The following UNC13C variants were observed in gnomAD, a reference collection of about 807,000 sequenced individuals.
UNC13C encodes protein unc-13 homolog C.
A neutral mutation model predicts 245.4 loss-of-function variants in UNC13C; 174 were observed. The ratio of observed to expected loss-of-function variants is 0.71; its 90% CI spans 0.63 to 0.80. UNC13C has a LOEUF of 0.80. UNC13C is among the 30% of genes least tolerant of loss of function. UNC13C has a pLI of 0.00. For synonymous variants in UNC13C, 992 were observed against 895.1 expected, an observed-to-expected ratio of 1.11 and a Z score of -1.93; for missense variants, 2,829 against 2,602.9, an observed-to-expected ratio of 1.09 and a Z score of -1.89.
intron 17 of UNC13C, among the ~76,000 whole-genome samples, chr15:54,351,443 A>T (rs2038980486): frequency 6.6e-6 from 1 of 152,160 alleles, no homozygotes; most frequent in South Asian, 2.1e-4. Context: ...GTATGTAAAA[A>T]ATCTGTTTAA....
At chr15:54,027,597 C>T (rs1896169425) in intron 2 of UNC13C, among the ~76,000 whole-genome samples, 1 of 152,114 alleles carries the variant, frequency 6.6e-6, no homozygotes, top group African/African-American at 2.4e-5. Flanking sequence ...ACTTGAACTC[C>T]TGACTTCAAA....
chr15:54,198,657 G>A (rs2034431762), intron 4 of UNC13C, among the ~76,000 whole-genome samples: 2 of 152,162 alleles, frequency 1.3e-5, no homozygotes, highest in Admixed American at 1.3e-4. Flanking sequence ...CCTAGGGGAA[G>A]TAGGAGAGCA....
At chr15:54,352,771 A>G (rs1015586446) in intron 17 of UNC13C, among the ~76,000 whole-genome samples, 7 of 152,148 alleles carry the variant, frequency 4.6e-5, no homozygotes, top group Non-Finnish European at 1.0e-4. Context: ...GAATCTCACC[A>G]GGAAATGAAT....
At chr15:54,249,004 G>T (rs753649460) in intron 7 of UNC13C, among the ~76,000 whole-genome samples, 5 of 152,146 alleles carry the variant, frequency 3.3e-5, no homozygotes, top group African/African-American at 1.2e-4. Flanking sequence ...AAATATAAAT[G>T]CTTCCCTTCT....
At chr15:54,179,714 C>A (rs2033734229) in intron 4 of UNC13C, among the ~76,000 whole-genome samples, 1 of 151,896 alleles carries the variant, frequency 6.6e-6, no homozygotes, top group African/African-American at 2.4e-5. Flanking sequence ...TATTTAAAAA[C>A]CAAATCAATA....
At chr15:54,286,815 C>T (rs1045712174) in intron 10 of UNC13C, among the ~76,000 whole-genome samples, 4 of 152,108 alleles carry the variant, frequency 2.6e-5, no homozygotes, top group African/African-American at 9.7e-5. Context: ...CACAGACACA[C>T]ATACAATAAT....
chr15:54,124,908 T>C (rs2030931905), intron 2 of UNC13C, among the ~76,000 whole-genome samples: 1 of 152,186 alleles, frequency 6.6e-6, no homozygotes, highest in Non-Finnish European at 1.5e-5. Flanking sequence ...TTCCATTGAA[T>C]TGCTTTTGAA....
chr15:54,132,419 G>A (rs2031488635), intron 2 of UNC13C, among the ~76,000 whole-genome samples: 1 of 152,088 alleles, frequency 6.6e-6, no homozygotes, highest in Non-Finnish European at 1.5e-5. Context: ...GTGATCAAAG[G>A]TATGTGAGTT....
intron 13 of UNC13C, among the ~76,000 whole-genome samples, chr15:54,306,711 G>C (rs1363247776): frequency 6.6e-6 from 1 of 151,972 alleles, no homozygotes; most frequent in Non-Finnish European, 1.5e-5. Flanking sequence ...CACAAAGTCT[G>C]AGATTCTATT....
At chr15:54,291,623 T>C (rs1335309943) in intron 10 of UNC13C, among the ~76,000 whole-genome samples, 1 of 152,078 alleles carries the variant, frequency 6.6e-6, no homozygotes, top group East Asian at 1.9e-4. Context: ...CTAACTGCTA[T>C]AAGGTATTAT....
chr15:54,472,433 A>G (rs1892512052), intron 19 of UNC13C, among the ~76,000 whole-genome samples: 1 of 151,076 alleles, frequency 6.6e-6, no homozygotes. Context: ...CTTTTCTTTC[A>G]TTAAAAAGTG....
At chr15:53,874,733 T>C in the UNC13C span, among the ~76,000 whole-genome samples, 1 of 152,206 alleles carries the variant, frequency 6.6e-6, no homozygotes, top group Non-Finnish European at 1.5e-5. Flanking sequence ...TTATACCAGG[T>C]ACTGCTGGTA....
intron 18 of UNC13C, among the ~76,000 whole-genome samples, chr15:54,393,906 A>G (rs2040016515): frequency 6.6e-6 from 1 of 151,922 alleles, no homozygotes; most frequent in Non-Finnish European, 1.5e-5. Context: ...CCCACATATT[A>G]AAGACCATAA....
chr15:54,361,772 C>T (rs1293823874), intron 17 of UNC13C, among the ~76,000 whole-genome samples: 1 of 152,222 alleles, frequency 6.6e-6, no homozygotes, highest in East Asian at 1.9e-4. Flanking sequence ...TTGAGTAAGA[C>T]TTACTCTGTG....
At chr15:54,500,793 C>G (rs1260372690) in intron 21 of UNC13C, 42 bp from the exon 22 acceptor site, 1 of 1,593,124 alleles carries the variant, frequency 6.3e-7, no homozygotes, top group Non-Finnish European at 8.6e-7. Context: ...CATTCCGCCT[C>G]TAATGTACTG....
chr15:54,269,981 AG>A (rs2036643641), intron 10 of UNC13C, among the ~76,000 whole-genome samples: 1 of 152,224 alleles, frequency 6.6e-6, no homozygotes. Context: ...CTTTAAGTGA[AG>A]CTACACTTGT....
At chr15:53,926,983 A>G in the UNC13C span, among the ~76,000 whole-genome samples, 1 of 152,206 alleles carries the variant, frequency 6.6e-6, no homozygotes. Context: ...TCCTCCAGAA[A>G]AAGGTCTTAA....
chr15:54,499,927 A>T (rs1266736323), intron 20 of UNC13C, among the ~76,000 whole-genome samples, 152 bp from the exon 21 acceptor site: 3 of 152,134 alleles, frequency 2.0e-5, no homozygotes, highest in Non-Finnish European at 4.4e-5. Context: ...GATGGAGAAC[A>T]GGTAAAGGTC....
the UNC13C span, among the ~76,000 whole-genome samples, chr15:53,926,761 C>T: frequency 2.0e-5 from 3 of 152,130 alleles, no homozygotes; most frequent in Non-Finnish European, 4.4e-5. Flanking sequence ...TCTTTAATGC[C>T]TGAATGATTG....
Sources: allele counts gnomAD v4.1 joint callset (sites outside exome capture counted in the v4.1 genomes callset), GRCh38; gene constraint gnomAD v4.1.1; transcripts MANE v1.5; gene names NCBI Gene and HGNC (gene_info 2026-07-23, HGNC 2026-07-21).